The following LRRC4C variants were observed in gnomAD, a reference collection of about 807,000 sequenced individuals.
LRRC4C encodes leucine-rich repeat-containing protein 4C.
LRRC4C carries 5 observed loss-of-function variants against 33.6 expected under a neutral mutation model. That is an observed-to-expected ratio of 0.15 (90% CI 0.08 to 0.31). The LOEUF (loss-of-function observed/expected upper bound fraction) is 0.31, where lower values mean the gene tolerates loss of function less well. Ranked by LOEUF, LRRC4C falls within the 10% of genes least tolerant of loss-of-function variation. LRRC4C has a pLI of 1.00. For missense variants in LRRC4C, 560 were observed against 796.7 expected (o/e 0.70, Z 3.58); for synonymous variants, 329 against 302.0 (o/e 1.09, Z -0.93).
intron 3 of LRRC4C, among the ~76,000 whole-genome samples, chr11:40,453,148 T>A (rs1008053153): frequency 1.3e-4 from 20 of 151,452 alleles, no homozygotes; most frequent in African/African-American, 3.9e-4. Context: ...AACCTGCACA[T>A]TGTGCACATG....
intron 1 of LRRC4C, among the ~76,000 whole-genome samples, chr11:41,141,020 T>C (rs1047474137): frequency 6.6e-6 from 1 of 152,188 alleles, no homozygotes; most frequent in Non-Finnish European, 1.5e-5. Context: ...GTTTCCAGAA[T>C]TATATCTATG....
chr11:41,317,591 T>C (rs1048038503), intron 1 of LRRC4C, among the ~76,000 whole-genome samples: 2 of 152,144 alleles, frequency 1.3e-5, no homozygotes, highest in South Asian at 4.1e-4. Context: ...TATTTTCCTA[T>C]AGTTAAACTA....
chr11:40,481,698 A>C (rs1953576980), intron 3 of LRRC4C, among the ~76,000 whole-genome samples: 1 of 152,172 alleles, frequency 6.6e-6, no homozygotes, highest in African/African-American at 2.4e-5. Flanking sequence ...ATGATAAATA[A>C]AGCAAGACTG....
chr11:41,073,648 A>G (rs996278579), intron 1 of LRRC4C, among the ~76,000 whole-genome samples: 7 of 152,234 alleles, frequency 4.6e-5, no homozygotes, highest in Admixed American at 4.6e-4. Flanking sequence ...GACAAGAATC[A>G]TGGTTCAATA....
chr11:40,650,392 A>T (rs988411070), intron 2 of LRRC4C, among the ~76,000 whole-genome samples: 6 of 152,178 alleles, frequency 3.9e-5, no homozygotes, highest in South Asian at 2.1e-4. Context: ...ACCCAGCATG[A>T]TAACTGTCTT....
At chr11:40,432,576 C>T (rs1258173574) in intron 3 of LRRC4C, among the ~76,000 whole-genome samples, 1 of 152,128 alleles carries the variant, frequency 6.6e-6, no homozygotes, top group African/African-American at 2.4e-5. Flanking sequence ...AGGCACTGTC[C>T]AAGGGCTGAA....
At chr11:40,430,148 A>G (rs1316709179) in intron 3 of LRRC4C, among the ~76,000 whole-genome samples, 1 of 151,874 alleles carries the variant, frequency 6.6e-6, no homozygotes, top group Non-Finnish European at 1.5e-5. Context: ...TCAAAGCTTC[A>G]AAAACATTCC....
intron 1 of LRRC4C, among the ~76,000 whole-genome samples, chr11:41,021,907 T>G (rs114391129): frequency 2.2e-3 from 336 of 152,076 alleles, no homozygotes; most frequent in African/African-American, 7.9e-3. Flanking sequence ...GTTTCATATA[T>G]TCTCACTAAT....
At chr11:40,209,038 T>A (rs1354868819) in intron 5 of LRRC4C, among the ~76,000 whole-genome samples, 1 of 151,716 alleles carries the variant, frequency 6.6e-6, no homozygotes, top group African/African-American at 2.4e-5. Flanking sequence ...CCTAAAGATT[T>A]CAAATAAAGG....
At chr11:40,244,762 A>G (rs1367298794) in intron 4 of LRRC4C, among the ~76,000 whole-genome samples, 1 of 151,894 alleles carries the variant, frequency 6.6e-6, no homozygotes, top group Non-Finnish European at 1.5e-5. Flanking sequence ...AGTACACGTT[A>G]TGTAAAGAGA....
At chr11:40,261,418 C>T (rs529220344) in intron 4 of LRRC4C, among the ~76,000 whole-genome samples, 15 of 152,074 alleles carry the variant, frequency 9.9e-5, no homozygotes, top group African/African-American at 3.4e-4. Flanking sequence ...TTTGTTAAGG[C>T]CGATATATTT....
chr11:40,172,683 C>T (rs1434287373), intron 5 of LRRC4C, among the ~76,000 whole-genome samples: 1 of 151,944 alleles, frequency 6.6e-6, no homozygotes, highest in Non-Finnish European at 1.5e-5. Flanking sequence ...TTAGGTGCAA[C>T]AGTTTCTGAA....
chr11:41,381,946 TC>T (rs1953173526), intron 1 of LRRC4C, among the ~76,000 whole-genome samples: 3 of 151,324 alleles, frequency 2.0e-5, no homozygotes, highest in Non-Finnish European at 4.4e-5. Flanking sequence ...ATATATATAA[TC>T]TATATATATG....
At chr11:41,294,458 C>G (rs752304128) in intron 1 of LRRC4C, among the ~76,000 whole-genome samples, 1 of 152,144 alleles carries the variant, frequency 6.6e-6, no homozygotes, top group Non-Finnish European at 1.5e-5. Context: ...CTTAGGAAAG[C>G]AGAGACTACT....
At position 41,191,328 on chromosome 11, in the gene LRRC4C, C is replaced by A. The variant is rs141797098; in HGVS notation, c.-495-257605G>T. ...GACTCTCTACTTTATTTATGCCATG[C>A]AAAAACGTTCCTGATTTTTCACTGG... On this transcript the variant is annotated intron_variant, in intron 1 of 6. Transcript: ENST00000528697. 6.0e-3 allele frequency among the ~76,000 whole-genome samples: 917 copies of A among 152,234 alleles called. 14 individuals carry two copies. Among genetic ancestry groups the A allele is most frequent in the African/African-American group, 0.021 (866 of 41,540 alleles).
At chr11:40,861,215 G>C (rs1954081240) in intron 2 of LRRC4C, among the ~76,000 whole-genome samples, 1 of 152,014 alleles carries the variant, frequency 6.6e-6, no homozygotes, top group Non-Finnish European at 1.5e-5. Flanking sequence ...AAATGCTAAG[G>C]CATCTTAAAG....
chr11:41,103,459 C>T (rs1369907617), intron 1 of LRRC4C, among the ~76,000 whole-genome samples: 1 of 150,822 alleles, frequency 6.6e-6, no homozygotes, highest in African/African-American at 2.5e-5. Context: ...GTCATAATGT[C>T]ATTCTTCATA....
chr11:40,714,348 T>C (rs1946607797), intron 2 of LRRC4C, among the ~76,000 whole-genome samples: 1 of 152,222 alleles, frequency 6.6e-6, no homozygotes, highest in African/African-American at 2.4e-5. Context: ...AAATATCTAC[T>C]ACAAATTTAA....
At chr11:40,767,160 C>A (rs1949514158) in intron 2 of LRRC4C, among the ~76,000 whole-genome samples, 1 of 151,570 alleles carries the variant, frequency 6.6e-6, no homozygotes, top group Non-Finnish European at 1.5e-5. Context: ...ATGGAAGCCC[C>A]AAAAATAGCA....
Sources: gnomAD v4.1 joint callset for allele counts (sites outside exome capture counted in the v4.1 genomes callset) on GRCh38, gnomAD v4.1.1 for gene constraint, MANE v1.5 for transcripts, NCBI Gene and HGNC (gene_info 2026-07-23, HGNC 2026-07-21) for gene names.